Variants in MAGI1 observed in about 807,000 individuals in gnomAD.
MAGI1 encodes the protein membrane associated guanylate kinase, WW and PDZ domain containing 1.
MAGI1 carries 58 observed loss-of-function variants against 139.9 expected under a neutral mutation model. The observed-to-expected ratio is 0.41, with a 90% CI of 0.34 to 0.52. The LOEUF (loss-of-function observed/expected upper bound fraction) is 0.52, where lower values mean the gene tolerates loss of function less well. Among genes scored for constraint, MAGI1 ranks in the 20% least tolerant of loss-of-function variants. The probability of loss-of-function intolerance (pLI) is 0.12; values close to 1 mark genes in which losing one functional copy is unlikely to be tolerated. For missense variants in MAGI1, 1,874 were observed against 1,901.6 expected (o/e 0.99, Z 0.27); for synonymous variants, 812 against 737.9 (o/e 1.10, Z -1.63).
chr3:65,934,403 G>A (rs2062950491), intron 1 of MAGI1, among the ~76,000 whole-genome samples: 1 of 151,856 alleles, frequency 6.6e-6, no homozygotes, highest in Admixed American at 6.6e-5. Context: ...CAGAGGTTCA[G>A]AAAAAGAAGA....
At chr3:65,500,258 T>C (rs1278008271) in intron 2 of MAGI1, among the ~76,000 whole-genome samples, 1 of 152,194 alleles carries the variant, frequency 6.6e-6, no homozygotes, top group Non-Finnish European at 1.5e-5. Flanking sequence ...CCTTTTTAAG[T>C]ATTTAAGTAC....
intron 1 of MAGI1, among the ~76,000 whole-genome samples, chr3:66,036,916 G>C (rs1212412904): frequency 6.6e-6 from 1 of 152,156 alleles, no homozygotes; most frequent in Non-Finnish European, 1.5e-5. Flanking sequence ...GTACCAAAGT[G>C]AGATGTAAGG....
In MAGI1 at chr3:65,395,751, G is replaced by A. The variant is rs73832831; in HGVS notation, c.2200-4393C>T. Among the ~76,000 whole-genome samples, 1,492 of 151,342 alleles carry A rather than the reference G, an allele frequency of 9.9e-3. 24 individuals are homozygous for A. The highest frequency in any genetic ancestry group is 0.034 in the African/African-American group (1,404 of 41,286). On this transcript the variant is annotated intron_variant, in intron 13 of 22. Coordinates refer to ENST00000402939, the MANE Select transcript of MAGI1 (RefSeq NM_001033057.2). The stretch of plus-strand genomic sequence containing the variant: ...GAGAGGAACTGGGAGGCCACATAAC[G>A]CATGAGCCCTGTGGGCTACGTAAGG...
rs111996417 is a variant in MAGI1, at chr3:65,743,658, T to C, written c.314-121570A>G. ...CTGGGAGGCAGAGGCTGCAGTGAGC[T>C]GAGATTGTGCCACTGCACTCCAGCC... On this transcript the variant is annotated intron_variant, in intron 1 of 22. Transcript: ENST00000402939. Among the ~76,000 whole-genome samples, 620 of 151,732 alleles carry C rather than the reference T, an allele frequency of 4.1e-3. 2 individuals carry two copies. Among genetic ancestry groups the C allele is most frequent in the African/African-American group, 0.014 (594 of 41,304 alleles).
At position 65,877,083 on chromosome 3, in the gene MAGI1, C is replaced by A. The variant is rs115453376; in HGVS notation, c.313+160913G>T. ...AAGTAAAAATTAAATTAACACAAAA[C>A]AAAAACCTTATCCAAGTTTAAGCTG... On this transcript the variant is annotated intron_variant, in intron 1 of 22. Transcript: ENST00000402939. 7.2e-3 allele frequency among the ~76,000 whole-genome samples: 1,101 copies of A among 152,250 alleles called. 13 individuals are homozygous for A. The highest frequency in any genetic ancestry group is 0.025 in the African/African-American group (1,045 of 41,540).
intron 2 of MAGI1, among the ~76,000 whole-genome samples, chr3:65,586,325 G>A (rs988983826): frequency 5.9e-5 from 9 of 152,028 alleles, no homozygotes; most frequent in African/African-American, 2.2e-4. Flanking sequence ...CAGAAAAAAA[G>A]GCAAAATTAT....
At chr3:65,742,093 A>G (rs1268990452) in intron 1 of MAGI1, among the ~76,000 whole-genome samples, 1 of 152,192 alleles carries the variant, frequency 6.6e-6, no homozygotes, top group Non-Finnish European at 1.5e-5. Context: ...AAATATATTT[A>G]TATCAAAATG....
rs776057848 is a variant in MAGI1, at chr3:65,391,200, C to G, written c.2358G>C (p.Gln786His). The change falls in exon 14 of 23, where the codon CAG becomes CAC. Residue 786 changes from glutamine (Q) to histidine (H), a missense_variant. By Grantham distance (24) the Gln-to-His change is conservative (BLOSUM62 0). Transcript: ENST00000402939. ...QAPDQTDSSG[Q>H]KKPDPFKIWA... ...AGATTTTAAAAGGATCTGGTTTTTT[C>G]TGGCCAGAGCTGTCAGTTTGATCTG... is the stretch of plus-strand genomic sequence containing the variant. 1 of 1,614,212 alleles carries G rather than the reference C, an allele frequency of 6.2e-7. No individual in the cohort carries two copies. The highest frequency in any genetic ancestry group is 1.1e-5 in the South Asian group (1 of 91,082).
At chr3:65,520,221 G>T (rs943072762) in intron 2 of MAGI1, among the ~76,000 whole-genome samples, 4 of 152,124 alleles carry the variant, frequency 2.6e-5, no homozygotes, top group Non-Finnish European at 5.9e-5. Context: ...TATTTTTTAA[G>T]CCACTAAGTT....
Position 65,437,135 on chromosome 3 carries a change from T to C in MAGI1, c.1363+20A>G. ...TTTTGAGCTAAAACCATGACACAAT[T>C]AGAAAGACAAGTACTTTACCCTGAA... On this transcript the variant is annotated intron_variant, in intron 10 of 22. Transcript: ENST00000402939. 4 of 1,534,860 alleles carry C rather than the reference T, an allele frequency of 2.6e-6. No individual in the cohort carries two copies. Among genetic ancestry groups the C allele is most frequent in the Non-Finnish European group, 3.6e-6 (4 of 1,120,920 alleles).
chr3:65,370,578 G>A (rs756015980), intron 18 of MAGI1, among the ~76,000 whole-genome samples: 2 of 152,120 alleles, frequency 1.3e-5, no homozygotes, highest in African/African-American at 2.4e-5. Flanking sequence ...ACTGTTATTG[G>A]ATAATCCACC....
intron 1 of MAGI1, among the ~76,000 whole-genome samples, chr3:65,688,890 A>G (rs758218784): frequency 1.3e-5 from 2 of 152,196 alleles, no homozygotes; most frequent in Non-Finnish European, 2.9e-5. Context: ...CTGACTTGAG[A>G]ACTACTGAGT....
At chr3:65,651,093 A>T (rs2085552573) in intron 1 of MAGI1, among the ~76,000 whole-genome samples, 2 of 152,122 alleles carry the variant, frequency 1.3e-5, no homozygotes, top group South Asian at 4.2e-4. Context: ...TAATTCTGCT[A>T]ATTTATTTTA....
intron 1 of MAGI1, among the ~76,000 whole-genome samples, chr3:65,798,922 A>G (rs1051414466): frequency 6.6e-6 from 1 of 152,134 alleles, no homozygotes; most frequent in Non-Finnish European, 1.5e-5. Flanking sequence ...CCACCCATTA[A>G]TCACATATCG....
At chr3:65,387,119 CA>C (rs1474861766) in intron 14 of MAGI1, 1 of 1,596,648 alleles carries the variant, frequency 6.3e-7, no homozygotes, top group Non-Finnish European at 8.6e-7. Flanking sequence ...AACGGAGAGA[CA>C]AAAGTTTTCA....
intron 1 of MAGI1, among the ~76,000 whole-genome samples, chr3:65,991,830 C>T (rs766493979): frequency 1.1e-4 from 16 of 152,058 alleles, no homozygotes; most frequent in Non-Finnish European, 2.2e-4. Context: ...GCCTGGCCAA[C>T]ATGGTGAAAC....
intron 1 of MAGI1, among the ~76,000 whole-genome samples, chr3:65,707,070 G>C (rs2030437936): frequency 6.6e-6 from 1 of 152,154 alleles, no homozygotes; most frequent in Non-Finnish European, 1.5e-5. Flanking sequence ...GGGAATGACA[G>C]CTCATTGATC....
intron 2 of MAGI1, among the ~76,000 whole-genome samples, chr3:65,511,368 TAA>T (rs1188188110): frequency 6.8e-6 from 1 of 146,192 alleles, no homozygotes; most frequent in African/African-American, 2.5e-5. Context: ...GCAAATTGGA[TAA>T]AGAGTCAAGA....
chr3:65,685,062 T>C (rs968891486), intron 1 of MAGI1, among the ~76,000 whole-genome samples: 2 of 151,754 alleles, frequency 1.3e-5, no homozygotes, highest in African/African-American at 4.8e-5. Context: ...AATATTATAC[T>C]ATAGTTTTCG....
Sources: gnomAD v4.1 joint callset for allele counts (sites outside exome capture counted in the v4.1 genomes callset) on GRCh38, gnomAD v4.1.1 for gene constraint, MANE v1.5 for transcripts, NCBI Gene and HGNC (gene_info 2026-07-23, HGNC 2026-07-21) for gene names.